Variants in MICAL2 observed in about 807,000 individuals in gnomAD.
MICAL2 encodes [F-actin]-monooxygenase MICAL2.
A neutral mutation model predicts 127.3 loss-of-function variants in MICAL2; 77 were observed. That is an observed-to-expected ratio of 0.60 (90% CI 0.50 to 0.73). The LOEUF (loss-of-function observed/expected upper bound fraction) is 0.73, where lower values mean the gene tolerates loss of function less well. MICAL2 is among the 30% of genes least tolerant of loss of function. The pLI, the probability that MICAL2 is intolerant of heterozygous loss-of-function variation, is 0.00. For synonymous variants in MICAL2, 570 were observed against 551.1 expected (o/e 1.03, Z -0.48); for missense variants, 1,351 against 1,434.4 (o/e 0.94, Z 0.94).
chr11:12,213,854 G>A (rs12291183), intron 7 of MICAL2, among the ~76,000 whole-genome samples: 6,097 of 152,228 alleles, frequency 0.04, 366 homozygotes, highest in African/African-American at 0.13. Context: ...AAAGGTTCCC[G>A]GGTGAGTTTG....
At chr11:12,325,785 G>A (rs1226415827) in intron 31 of MICAL2, among the ~76,000 whole-genome samples, 1 of 152,158 alleles carries the variant, frequency 6.6e-6, no homozygotes, top group East Asian at 1.9e-4. Flanking sequence ...CTGGGGGTTA[G>A]GGCTTCAACA....
chr11:12,155,091 G>T (rs369043377), intron 2 of MICAL2, among the ~76,000 whole-genome samples: 28 of 152,218 alleles, frequency 1.8e-4, no homozygotes, highest in African/African-American at 5.3e-4. Context: ...TCACATGGGC[G>T]GTGCAAGCTG....
intron 1 of MICAL2, among the ~76,000 whole-genome samples, chr11:12,129,103 C>A (rs926345181): frequency 6.6e-6 from 1 of 150,734 alleles, no homozygotes; most frequent in Non-Finnish European, 1.5e-5. Flanking sequence ...GTGTAGGTCT[C>A]CCCTTTACAA....
chr11:12,180,282 A>T (rs1857280853), intron 3 of MICAL2, among the ~76,000 whole-genome samples: 1 of 151,588 alleles, frequency 6.6e-6, no homozygotes, highest in East Asian at 1.9e-4. Context: ...CTTTGTGAGG[A>T]ATTGTAAATC....
chr11:12,156,221 G>A (rs1033497217), intron 2 of MICAL2, among the ~76,000 whole-genome samples: 1 of 152,180 alleles, frequency 6.6e-6, no homozygotes, highest in African/African-American at 2.4e-5. Context: ...TGAGCTTCGT[G>A]GTGAGTCTCT....
intron 1 of MICAL2, among the ~76,000 whole-genome samples, chr11:12,122,340 G>A (rs1850574968): frequency 6.6e-6 from 1 of 152,248 alleles, no homozygotes; most frequent in Admixed American, 6.5e-5. Flanking sequence ...GAGCACAGAT[G>A]TGGGCAGGGT....
At chr11:12,302,329 T>C (rs1341642314) in intron 29 of MICAL2, among the ~76,000 whole-genome samples, 1 of 152,220 alleles carries the variant, frequency 6.6e-6, no homozygotes, top group African/African-American at 2.4e-5. Flanking sequence ...TTTTAGTAGA[T>C]ACTATCAAAC....
intron 1 of MICAL2, among the ~76,000 whole-genome samples, chr11:12,117,826 C>T (rs1850164049): frequency 6.6e-6 from 1 of 152,226 alleles, no homozygotes; most frequent in South Asian, 2.1e-4. Flanking sequence ...GAGGCTACAT[C>T]ATTTGTCTGA....
At chr11:12,261,321 T>G (rs1863084880) in intron 26 of MICAL2, 1 of 985,544 alleles carries the variant, frequency 1.0e-6, no homozygotes, top group Non-Finnish European at 1.2e-6. Flanking sequence ...CTACCATATC[T>G]TGACTGGCAG....
intron 15 of MICAL2, among the ~76,000 whole-genome samples, chr11:12,232,589 G>A (rs1015716305): frequency 1.3e-5 from 2 of 152,150 alleles, no homozygotes; most frequent in South Asian, 2.1e-4. Context: ...CTGCGTGGTG[G>A]TGCACACCAG....
chr11:12,150,180 T>C (rs73412302), intron 2 of MICAL2, among the ~76,000 whole-genome samples: 64 of 152,318 alleles, frequency 4.2e-4, no homozygotes, highest in African/African-American at 1.5e-3. Flanking sequence ...AAAGCAAATA[T>C]AGATCTAACT....
chr11:12,202,654 A>G (rs1854161865), intron 3 of MICAL2, among the ~76,000 whole-genome samples: 4 of 133,186 alleles, frequency 3.0e-5, no homozygotes, highest in Admixed American at 1.5e-4. Context: ...GGTTCTAGTT[A>G]TTTATTTTAT....
chr11:12,358,544 C>A (rs1939164121), downstream of MICAL2: 1 of 1,467,892 alleles, frequency 6.8e-7, no homozygotes, highest in Non-Finnish European at 9.4e-7. Context: ...GCACCACACA[C>A]CCTCATGGGT....
intron 4 of MICAL2, among the ~76,000 whole-genome samples, chr11:12,207,187 G>A (rs1802387999): frequency 6.6e-6 from 1 of 151,908 alleles, no homozygotes; most frequent in Admixed American, 6.6e-5. Flanking sequence ...CCCCACTAAG[G>A]CCCTGTTCTA....
At chr11:12,336,044 A>G (rs959326825) in intron 32 of MICAL2, among the ~76,000 whole-genome samples, 12 of 152,194 alleles carry the variant, frequency 7.9e-5, no homozygotes, top group African/African-American at 2.9e-4. Flanking sequence ...TACCTTAGGC[A>G]GTATGGCCAT....
chr11:12,247,865 T>TTTTG (rs1343589603), intron 21 of MICAL2, among the ~76,000 whole-genome samples: 1 of 152,152 alleles, frequency 6.6e-6, no homozygotes, highest in Non-Finnish European at 1.5e-5. Context: ...TCCAAACAGA[T>TTTTG]TTTGGGCTGC....
In MICAL2 at chr11:12,258,469, C is replaced by A. The variant is rs1338428061; in HGVS notation, c.3144C>A (p.Gly1048=). The change falls in exon 25 of 28, where the codon GGC becomes GGA. Residue 1048 remains glycine (G), a splice_region_variant and synonymous_variant. Coordinates refer to ENST00000683283, the MANE Select transcript of MICAL2 (RefSeq NM_001282663.2). ...GTATGTGTGTGCCTCTTTTTACAGG[C>A]AAATTTTACTGCAAGCCTCACTTCA... ...LAAYTFDCDE[G]KFYCKPHFIH... 1.2e-6 allele frequency: 2 copies of A among 1,613,944 alleles called. No individual in the cohort carries two copies. The highest frequency in any genetic ancestry group is 1.7e-5 in the Admixed American group (1 of 60,016).
At chr11:12,281,556 G>A (rs1863771679) in intron 2 of MICAL2, among the ~76,000 whole-genome samples, 1 of 152,152 alleles carries the variant, frequency 6.6e-6, no homozygotes, top group African/African-American at 2.4e-5. Flanking sequence ...ACAGCACCGG[G>A]GCCATTACCA....
upstream of MICAL2, among the ~76,000 whole-genome samples, chr11:12,272,560 C>A (rs1863685348): frequency 6.6e-6 from 1 of 152,206 alleles, no homozygotes; most frequent in Admixed American, 6.5e-5. Context: ...CATAGGCACA[C>A]AAGAAGCAAG....
Sources: allele counts gnomAD v4.1 joint callset (sites outside exome capture counted in the v4.1 genomes callset), GRCh38; gene constraint gnomAD v4.1.1; transcripts MANE v1.5; gene names NCBI Gene and HGNC (gene_info 2026-07-23, HGNC 2026-07-21).